ROBO1: variants seen among roughly 807,000 people sequenced by gnomAD.
The protein encoded by ROBO1 is roundabout homolog 1.
Under a neutral mutation model 195.9 loss-of-function variants are expected in ROBO1, and 149 were observed. The ratio of observed to expected loss-of-function variants is 0.76; its 90% confidence interval spans 0.67 to 0.87. The LOEUF is 0.87. Ranked by LOEUF, ROBO1 falls within the 40% of genes least tolerant of loss-of-function variation. The probability of loss-of-function intolerance (pLI) is 0.00; values close to 1 mark genes in which losing one functional copy is unlikely to be tolerated. For synonymous variants in ROBO1, 816 were observed against 733.2 expected (o/e 1.11, Z -1.82); for missense variants, 1,933 against 2,068.3 (o/e 0.93, Z 1.27).
At chr3:78,765,362 A>AT (rs1271786407) in intron 4 of ROBO1, among the ~76,000 whole-genome samples, 17 of 151,990 alleles carry the variant, frequency 1.1e-4, no homozygotes, top group Non-Finnish European at 2.4e-4. Context: ...TATTTTAAAT[A>AT]TTTTTTAAAA....
rs780641103 is a variant in ROBO1 at position 78,717,264 on chromosome 3, C to G, written c.917+11G>C. 7.1e-6 allele frequency: 11 copies of G among 1,546,756 alleles called. No individual in the cohort carries two copies. The highest frequency in any genetic ancestry group is 9.5e-6 in the Non-Finnish European group (11 of 1,152,034). ...AGTTGACAAATCATATCATGAAACT[C>G]TGATGTGTACCTGGATTTGGGCAGC... is the stretch of plus-strand genomic sequence containing the variant. On this transcript the variant is annotated intron_variant, in intron 7 of 30. Transcript: ENST00000464233.
chr3:79,101,336 C>T (rs1435738815), intron 3 of ROBO1, among the ~76,000 whole-genome samples: 1 of 151,770 alleles, frequency 6.6e-6, no homozygotes, highest in South Asian at 2.1e-4. Context: ...CTCTTATTAA[C>T]AATTTGTGAT....
At chr3:78,850,641 A>C (rs192650497) in intron 4 of ROBO1, among the ~76,000 whole-genome samples, 1 of 152,320 alleles carries the variant, frequency 6.6e-6, no homozygotes. Context: ...TATGAGAATA[A>C]GAACAGGCCA....
At chr3:79,484,046 T>G (rs1939014212) in intron 2 of ROBO1, among the ~76,000 whole-genome samples, 2 of 152,158 alleles carry the variant, frequency 1.3e-5, no homozygotes, top group African/African-American at 4.8e-5. Flanking sequence ...GAACATTTAA[T>G]ATACCACTTG....
At chr3:79,100,684 A>G (rs1308756660) in intron 3 of ROBO1, among the ~76,000 whole-genome samples, 1 of 151,824 alleles carries the variant, frequency 6.6e-6, no homozygotes, top group Non-Finnish European at 1.5e-5. Flanking sequence ...TCAAACATCC[A>G]TTTGAAAGCA....
chr3:79,161,712 G>A (rs886098050), intron 2 of ROBO1, among the ~76,000 whole-genome samples: 2 of 152,024 alleles, frequency 1.3e-5, no homozygotes, highest in African/African-American at 4.8e-5. Flanking sequence ...AAAATCATTT[G>A]TGCAGGTGCT....
At chr3:78,719,378 T>C (rs965845115) in intron 5 of ROBO1, among the ~76,000 whole-genome samples, 2 of 152,124 alleles carry the variant, frequency 1.3e-5, no homozygotes, top group Non-Finnish European at 2.9e-5. Context: ...AATAGAGAAA[T>C]ATAAAGAAAA....
rs770653704 is a variant in ROBO1, at chr3:79,125,544, C to G, written c.89-5G>C. 2 of 1,612,456 alleles carry G rather than the reference C, an allele frequency of 1.2e-6. No homozygotes were observed. The highest frequency in any genetic ancestry group is 2.2e-5 in the South Asian group (2 of 90,836). On this transcript the variant is annotated splice_polypyrimidine_tract_variant and splice_region_variant and intron_variant, in intron 2 of 30. Coordinates refer to ENST00000464233, the MANE Select transcript of ROBO1 (RefSeq NM_002941.4). The stretch of plus-strand genomic sequence containing the variant: ...CCCTCTCTACATCTTCAGGGTCTGT[C>G]GGAAACAACACCAGAGCTGCTGATG...
intron 1 of ROBO1, among the ~76,000 whole-genome samples, chr3:79,635,372 C>A (rs535661326): frequency 6.6e-6 from 1 of 152,214 alleles, no homozygotes; most frequent in East Asian, 1.9e-4. Context: ...ATGTTCCTAC[C>A]CTCAATAGCC....
At chr3:79,665,036 G>T (rs1418119015) in intron 1 of ROBO1, among the ~76,000 whole-genome samples, 1 of 151,868 alleles carries the variant, frequency 6.6e-6, no homozygotes, top group Non-Finnish European at 1.5e-5. Flanking sequence ...AACGAGAAAT[G>T]ATGCAGTTGA....
chr3:79,692,124 G>A (rs1227701191), intron 1 of ROBO1, among the ~76,000 whole-genome samples: 1 of 151,752 alleles, frequency 6.6e-6, no homozygotes, highest in Non-Finnish European at 1.5e-5. Context: ...GTTGAGGAGA[G>A]GAAATATTGT....
chr3:79,044,460 T>C (rs1207796780), intron 3 of ROBO1, among the ~76,000 whole-genome samples: 2 of 152,200 alleles, frequency 1.3e-5, no homozygotes, highest in Non-Finnish European at 1.5e-5. Flanking sequence ...TTACATGACC[T>C]ACATTCTAGA....
chr3:78,969,349 A>G (rs1177912044), intron 3 of ROBO1, among the ~76,000 whole-genome samples: 1 of 152,216 alleles, frequency 6.6e-6, no homozygotes, highest in Non-Finnish European at 1.5e-5. Context: ...AGACAGCACT[A>G]CAAGTCTACA....
chr3:79,656,066 A>G (rs1946149187), intron 1 of ROBO1, among the ~76,000 whole-genome samples: 1 of 152,240 alleles, frequency 6.6e-6, no homozygotes, highest in East Asian at 1.9e-4. Context: ...TGACTGATAA[A>G]CAATAAACAC....
intron 1 of ROBO1, among the ~76,000 whole-genome samples, chr3:79,739,586 G>A (rs980130396): frequency 6.6e-6 from 1 of 152,050 alleles, no homozygotes; most frequent in Admixed American, 6.6e-5. Context: ...AGCAAATGGA[G>A]GCTATTTCAC....
intron 4 of ROBO1, among the ~76,000 whole-genome samples, chr3:78,816,509 G>A (rs777231022): frequency 1.3e-3 from 199 of 152,038 alleles, no homozygotes; most frequent in Non-Finnish European, 2.4e-3. Flanking sequence ...ATTTTGTAAG[G>A]CTATATAGCT....
chr3:78,605,206 AC>A (rs550456366), intron 29 of ROBO1, among the ~76,000 whole-genome samples: 108 of 152,062 alleles, frequency 7.1e-4, no homozygotes, highest in African/African-American at 2.5e-3. Context: ...AAAATTTCCC[AC>A]CCCATTCTTT....
At chr3:78,951,621 T>C (rs185440079) in intron 3 of ROBO1, among the ~76,000 whole-genome samples, 1 of 152,212 alleles carries the variant, frequency 6.6e-6, no homozygotes, top group Admixed American at 6.6e-5. Flanking sequence ...AGAATCCTGG[T>C]AGAATCTTGA....
chr3:78,607,061 A>G lies in ROBO1; in HGVS notation c.4436-20T>C, dbSNP rs771732731. ...GAAGATCTAAAAAGAAACATTAAAA[A>G]TACTACTGTAAAAGTCTGCTGCTTA... On this transcript the variant is annotated intron_variant, in intron 28 of 30. Transcript: ENST00000464233. 2.6e-5 allele frequency: 41 copies of G among 1,595,564 alleles called. No individual in the cohort carries two copies. Among genetic ancestry groups the G allele is most frequent in the Non-Finnish European group, 3.2e-5 (38 of 1,169,242 alleles).
Sources: allele counts gnomAD v4.1 joint callset (sites outside exome capture counted in the v4.1 genomes callset), GRCh38; gene constraint gnomAD v4.1.1; transcripts MANE v1.5; gene names NCBI Gene and HGNC (gene_info 2026-07-23, HGNC 2026-07-21).